Variants in MARVELD2 observed in about 807,000 individuals in gnomAD.
MARVELD2 encodes MARVEL domain-containing protein 2.
In MARVELD2, 49 loss-of-function variants were observed where a neutral mutation model predicts 57.6. That is an observed-to-expected ratio of 0.85 (90% CI 0.68 to 1.08). The LOEUF (loss-of-function observed/expected upper bound fraction) is 1.08, where lower values mean the gene tolerates loss of function less well. Ranked by LOEUF, MARVELD2 falls within the 50% of genes least tolerant of loss-of-function variation. The pLI, the probability that MARVELD2 is intolerant of heterozygous loss-of-function variation, is 0.00. For missense variants in MARVELD2, 606 were observed against 701.1 expected (o/e 0.86, Z 1.53); for synonymous variants, 238 against 258.8 (o/e 0.92, Z 0.77).
chr5:69,424,068 A>T (rs1367999963), intron 2 of MARVELD2, among the ~76,000 whole-genome samples: 2 of 152,206 alleles, frequency 1.3e-5, no homozygotes, highest in African/African-American at 4.8e-5. Flanking sequence ...TAAAAATTCT[A>T]TATGAATAGA....
intron 3 of MARVELD2, among the ~76,000 whole-genome samples, chr5:69,430,790 T>C (rs1403092485): frequency 6.6e-6 from 1 of 152,086 alleles, no homozygotes; most frequent in East Asian, 1.9e-4. Flanking sequence ...CCCCTCGGCC[T>C]CCCAAAGTGC....
Position 69,441,640 on chromosome 5 carries a change from C to T in MARVELD2, c.1663C>T (p.Gln555Ter), listed in dbSNP as rs751970657. ...EYDKVMNWDV[Q>*]GYS The stretch of plus-strand genomic sequence containing the variant: ...TGATAAAGTAATGAATTGGGATGTA[C>T]AAGGTTATTCTTAACGCTTATTTGA... Residue 555 changes from glutamine to a stop codon, truncating the protein, a stop_gained, in exon 7 of 7, where the codon CAA becomes TAA. Coordinates refer to ENST00000325631, the MANE Select transcript of MARVELD2 (RefSeq NM_001038603.3). LOFTEE classifies it high-confidence loss of function. The T allele has an allele frequency of 1.9e-6, 3 of 1,574,782 alleles. No individual in the cohort carries two copies. The highest frequency in any genetic ancestry group is 1.7e-6 in the Non-Finnish European group (2 of 1,146,784).
In MARVELD2 at chr5:69,420,441, G is replaced by A; in HGVS notation, c.1056G>A (p.Met352Ile). Residue 352 changes from methionine (M) to isoleucine (I), a missense_variant, in exon 2 of 7, where the codon ATG becomes ATA. Physicochemically the swap from Met to Ile is conservative, Grantham distance 10. Transcript: ENST00000325631. Reference protein sequence around the residue: ...IAAMIFLFVTMIVYLISALVC... With the variant: ...IAAMIFLFVTIIVYLISALVC... ...CAATGATCTTCCTGTTTGTCACCAT[G>A]ATAGTTTATCTCATTAGTGCTTTGG... 2 of 1,613,806 alleles carry A rather than the reference G, an allele frequency of 1.2e-6. No homozygotes were observed. The highest frequency in any genetic ancestry group is 1.7e-6 in the Non-Finnish European group (2 of 1,180,032).
intron 5 of MARVELD2, among the ~76,000 whole-genome samples, chr5:69,439,107 G>GA (rs1767250342): frequency 6.6e-6 from 1 of 150,474 alleles, no homozygotes; most frequent in East Asian, 1.9e-4. Context: ...CTGGGAAAAG[G>GA]ATATGGGTCA....
intron 1 of MARVELD2, among the ~76,000 whole-genome samples, chr5:69,417,353 G>A (rs1580467576): frequency 6.6e-6 from 1 of 152,254 alleles, no homozygotes; most frequent in African/African-American, 2.4e-5. Context: ...GCACTCCCCC[G>A]GTTAAAGCAT....
intron 3 of MARVELD2, among the ~76,000 whole-genome samples, chr5:69,429,845 CAAAAAAAA>C (rs35899728): frequency 1.6e-5 from 2 of 126,738 alleles, no homozygotes. Context: ...GACTCTGTAT[CAAAAAAAA>C]AAAAAAAAAA....
chr5:69,417,308 A>G (rs1264485356), intron 1 of MARVELD2, among the ~76,000 whole-genome samples: 2 of 152,138 alleles, frequency 1.3e-5, no homozygotes, highest in Non-Finnish European at 2.9e-5. Flanking sequence ...AGCATACTGT[A>G]TATTTCATTT....
intron 5 of MARVELD2, among the ~76,000 whole-genome samples, chr5:69,439,342 G>A (rs1767257551): frequency 2.6e-5 from 4 of 151,564 alleles, no homozygotes; most frequent in Admixed American, 2.6e-4. Context: ...TGTATTTTTA[G>A]TAGAGATGGG....
rs1025774884 is a variant in MARVELD2, at chr5:69,420,670, A to G, written c.1146+139A>G. The G allele has an allele frequency of 6.7e-5, 56 of 838,784 alleles. No homozygotes were observed. The East Asian group carries it at 1.1e-3, about 16-fold the overall frequency. The allele number at this position is 838,784 out of a possible 1,614,324, so 52.0% of individuals were successfully genotyped here. On this transcript the variant is annotated intron_variant, in intron 2 of 6. Coordinates refer to ENST00000325631, the MANE Select transcript of MARVELD2 (RefSeq NM_001038603.3). ...TCTTTCTTCCTTTTTTTTTTTTTCA[A>G]TGGTCTGAGATTCAAAAGTCCTAGT...
chr5:69,424,516 T>C, intron 2 of MARVELD2, 85 bp from the exon 3 acceptor site: 1 of 1,112,092 alleles, frequency 9.0e-7, no homozygotes, highest in South Asian at 1.2e-5. Flanking sequence ...AAATTGAGGT[T>C]GGGCTATAAA....
chr5:69,430,885 G>C (rs761078024), intron 3 of MARVELD2, among the ~76,000 whole-genome samples: 2 of 151,432 alleles, frequency 1.3e-5, no homozygotes, highest in Non-Finnish European at 2.9e-5. Flanking sequence ...TGTGACCTTG[G>C]AGAATTGACT....
At chr5:69,431,266 C>G (rs907505398) in intron 3 of MARVELD2, among the ~76,000 whole-genome samples, 12 of 152,134 alleles carry the variant, frequency 7.9e-5, no homozygotes, top group African/African-American at 2.9e-4. Context: ...AGGCGCCCGC[C>G]ACTATGCCCG....
intron 1 of MARVELD2, chr5:69,415,779 T>C (rs1240123329): frequency 6.6e-6 from 1 of 152,270 alleles, no homozygotes; most frequent in Non-Finnish European, 1.5e-5. Context: ...CCTGTGACAC[T>C]TTGCTGGGGC....
Position 69,424,623 on chromosome 5 carries a change from C to T in MARVELD2, c.1169C>T (p.Ser390Leu), listed in dbSNP as rs751782411. ...CAGATAAATGAGCCATCATTGTCAT[C>T]GAAAAGGAAAATGGTAAGAATAAAG... Reference protein sequence around the residue: ...QQEINEPSLSSKRKMCEMATS... With the variant: ...QQEINEPSLSLKRKMCEMATS... The change falls in exon 3 of 7, where the codon TCG (serine) becomes TTG (leucine). Residue 390 changes from serine to leucine, a missense_variant. Transcript: ENST00000325631. 1.7e-5 allele frequency: 27 copies of T among 1,602,418 alleles called. No homozygotes were observed. Among genetic ancestry groups the T allele is most frequent in the East Asian group, 8.9e-5 (4 of 44,844 alleles).
At chr5:69,435,843 T>C (rs1767119754) in intron 5 of MARVELD2, among the ~76,000 whole-genome samples, 1 of 150,404 alleles carries the variant, frequency 6.6e-6, no homozygotes, top group Admixed American at 6.6e-5. Flanking sequence ...TGACAACCAC[T>C]AATCTACTTT....
intron 2 of MARVELD2, among the ~76,000 whole-genome samples, chr5:69,421,430 A>G (rs1038483499): frequency 2.0e-5 from 3 of 152,124 alleles, no homozygotes; most frequent in South Asian, 2.1e-4. Context: ...TAACTATATT[A>G]TGAATTTTTG....
Position 69,429,311 on chromosome 5 carries a change from C to A in MARVELD2, c.1183-3216C>A, listed in dbSNP as rs183144677. Among the ~76,000 whole-genome samples, 506 of 152,204 alleles carry A rather than the reference C, an allele frequency of 3.3e-3. 2 individuals carry two copies. Among genetic ancestry groups the A allele is most frequent in the Non-Finnish European group, 5.6e-3 (379 of 68,002 alleles). On this transcript the variant is annotated intron_variant, in intron 3 of 6. Transcript: ENST00000325631. ...TTTTTAGAATGAGCTAATATTAAAC[C>A]AAAGCCAGTTTCAGGGTAAGGAAAT...
At chr5:69,417,807 C>T (rs967163501) in intron 1 of MARVELD2, among the ~76,000 whole-genome samples, 6 of 151,962 alleles carry the variant, frequency 3.9e-5, no homozygotes, top group East Asian at 3.9e-4. Flanking sequence ...GGCGTGGTGG[C>T]GAGCACCTGT....
At chr5:69,429,266 G>T (rs1167623787) in intron 3 of MARVELD2, among the ~76,000 whole-genome samples, 1 of 152,094 alleles carries the variant, frequency 6.6e-6, no homozygotes, top group Non-Finnish European at 1.5e-5. Context: ...GTGCTATTTG[G>T]TGAGTTAAAG....
Sources: gnomAD v4.1 joint callset for allele counts (sites outside exome capture counted in the v4.1 genomes callset) on GRCh38, gnomAD v4.1.1 for gene constraint, MANE v1.5 for transcripts, NCBI Gene and HGNC (gene_info 2026-07-23, HGNC 2026-07-21) for gene names.